Variants in SORCS3 observed in about 807,000 individuals in gnomAD.
SORCS3 encodes sortilin related VPS10 domain containing receptor 3.
In SORCS3, 57 loss-of-function variants were observed where a neutral mutation model predicts 146.3. The ratio of observed to expected loss-of-function variants is 0.39; its 90% CI spans 0.31 to 0.49. The LOEUF (loss-of-function observed/expected upper bound fraction) is 0.49, where lower values mean the gene tolerates loss of function less well. Ranked by LOEUF, SORCS3 falls within the 20% of genes least tolerant of loss-of-function variation. The pLI, the probability that SORCS3 is intolerant of heterozygous loss-of-function variation, is 0.92. For missense variants in SORCS3, 1,341 were observed against 1,575.5 expected (o/e 0.85, Z 2.52); for synonymous variants, 653 against 618.5 (o/e 1.06, Z -0.83).
intron 4 of SORCS3, among the ~76,000 whole-genome samples, chr10:105,014,082 T>TATATATAC (rs368094008): frequency 1.0e-3 from 126 of 125,976 alleles, no homozygotes; most frequent in Non-Finnish European, 1.6e-3. Context: ...TATATATATA[T>TATATATAC]ACACACATAT....
At chr10:104,795,775 TATGATCA>T (rs1404175532) in intron 1 of SORCS3, among the ~76,000 whole-genome samples, 1 of 152,222 alleles carries the variant, frequency 6.6e-6, no homozygotes, top group African/African-American at 2.4e-5. Flanking sequence ...AGTTATCCTC[TATGATCA>T]ATTCTTGGTA....
At chr10:104,858,864 G>GC (rs1466268041) in intron 2 of SORCS3, among the ~76,000 whole-genome samples, 1 of 147,068 alleles carries the variant, frequency 6.8e-6, no homozygotes, top group African/African-American at 2.5e-5. Flanking sequence ...CTCGTGATCC[G>GC]CCCCCCTCAG....
At chr10:104,677,880 T>A (rs1413640118) in intron 1 of SORCS3, among the ~76,000 whole-genome samples, 2 of 152,208 alleles carry the variant, frequency 1.3e-5, no homozygotes, top group Non-Finnish European at 2.9e-5. Context: ...AGAGACTGAC[T>A]GCATATGCTT....
chr10:104,892,910 A>T (rs1039025990), intron 2 of SORCS3, among the ~76,000 whole-genome samples: 2 of 152,000 alleles, frequency 1.3e-5, no homozygotes, highest in Non-Finnish European at 2.9e-5. Flanking sequence ...GTAATTCCTT[A>T]AAAAAGTCAA....
intron 5 of SORCS3, among the ~76,000 whole-genome samples, chr10:105,070,585 T>C (rs1362443937): frequency 6.6e-6 from 1 of 152,184 alleles, no homozygotes; most frequent in Non-Finnish European, 1.5e-5. Context: ...GTCCCAGCCC[T>C]TTTAAGAACT....
chr10:104,700,946 T>C (rs2016273162), intron 1 of SORCS3, among the ~76,000 whole-genome samples: 1 of 152,218 alleles, frequency 6.6e-6, no homozygotes, highest in South Asian at 2.1e-4. Context: ...GTTAAAGTTA[T>C]TCATACTGAT....
At chr10:105,199,181 A>G (rs746015020) in intron 14 of SORCS3, among the ~76,000 whole-genome samples, 1 of 151,428 alleles carries the variant, frequency 6.6e-6, no homozygotes, top group Non-Finnish European at 1.5e-5. Flanking sequence ...GATGTCTTGC[A>G]TTGTAATTGC....
chr10:104,947,099 C>T (rs1431940805), intron 3 of SORCS3, among the ~76,000 whole-genome samples: 2 of 152,136 alleles, frequency 1.3e-5, no homozygotes, highest in Non-Finnish European at 2.9e-5. Flanking sequence ...TACAAATCCG[C>T]ACCGATATGT....
rs574610392 is a variant in SORCS3 at position 104,675,494 on chromosome 10, A to G, written c.627+33540A>G. 2.7e-4 allele frequency among the ~76,000 whole-genome samples: 41 copies of G among 152,220 alleles called. No individual in the cohort carries two copies. In the South Asian group the frequency reaches 3.5e-3, roughly 13 times the overall value. On this transcript the variant is annotated intron_variant, in intron 1 of 26. Transcript: ENST00000369701. The stretch of plus-strand genomic sequence containing the variant: ...GAGATAGTCTCCTATGTTTTATTCT[A>G]GAAGTTTTATTGTTTTAATGTTCAC...
chr10:104,671,251 T>C (rs1251068530), intron 1 of SORCS3, among the ~76,000 whole-genome samples: 1 of 150,956 alleles, frequency 6.6e-6, no homozygotes, highest in African/African-American at 2.4e-5. Context: ...CAGTCTTTTA[T>C]GATTGAGTAT....
intron 5 of SORCS3, among the ~76,000 whole-genome samples, chr10:105,055,417 G>T (rs549487532): frequency 2.4e-4 from 36 of 152,222 alleles, no homozygotes; most frequent in African/African-American, 8.4e-4. Flanking sequence ...TAAATAAAAA[G>T]CTCTGCCCTT....
intron 2 of SORCS3, among the ~76,000 whole-genome samples, chr10:104,859,195 T>C (rs2018371286): frequency 6.6e-6 from 1 of 152,104 alleles, no homozygotes; most frequent in Non-Finnish European, 1.5e-5. Context: ...CAAAGAAGAA[T>C]GTGTCTCTCC....
intron 5 of SORCS3, among the ~76,000 whole-genome samples, chr10:105,057,884 C>A (rs1041035579): frequency 1.3e-5 from 2 of 152,140 alleles, no homozygotes; most frequent in African/African-American, 4.8e-5. Context: ...GGACAAAATT[C>A]TCATTTAGGA....
chr10:105,118,521 T>A (rs2055908995), intron 7 of SORCS3, among the ~76,000 whole-genome samples: 1 of 152,148 alleles, frequency 6.6e-6, no homozygotes, highest in South Asian at 2.1e-4. Context: ...TTGGAAGTTA[T>A]TTTGGAACTG....
At chr10:104,844,844 C>A (rs908793923) in intron 2 of SORCS3, among the ~76,000 whole-genome samples, 1 of 152,154 alleles carries the variant, frequency 6.6e-6, no homozygotes, top group Non-Finnish European at 1.5e-5. Flanking sequence ...TCTTGAGATC[C>A]TTAACTTAAT....
chr10:105,027,455 T>G (rs1022107193), intron 4 of SORCS3, among the ~76,000 whole-genome samples: 1 of 152,236 alleles, frequency 6.6e-6, no homozygotes, highest in Non-Finnish European at 1.5e-5. Context: ...TTGTAGCAGC[T>G]ACTGCTTCAT....
chr10:104,995,161 TC>T (rs370975777), intron 4 of SORCS3, among the ~76,000 whole-genome samples: 9,599 of 144,762 alleles, frequency 0.066, 364 homozygotes, highest in African/African-American at 0.1. Flanking sequence ...TTTCTTTCTT[TC>T]TCTTTTTTTT....
chr10:104,714,620 T>G (rs1000019413), intron 1 of SORCS3, among the ~76,000 whole-genome samples: 2 of 152,248 alleles, frequency 1.3e-5, no homozygotes, highest in African/African-American at 4.8e-5. Flanking sequence ...GGACATACTT[T>G]GAAGGATTTC....
At chr10:105,067,003 C>A (rs1269127428) in intron 5 of SORCS3, among the ~76,000 whole-genome samples, 1 of 152,158 alleles carries the variant, frequency 6.6e-6, no homozygotes, top group Non-Finnish European at 1.5e-5. Context: ...ACTTAAATTT[C>A]CAGGTACACT....
Sources: gnomAD v4.1 joint callset for allele counts (sites outside exome capture counted in the v4.1 genomes callset) on GRCh38, gnomAD v4.1.1 for gene constraint, MANE v1.5 for transcripts, NCBI Gene and HGNC (gene_info 2026-07-23, HGNC 2026-07-21) for gene names.